KCNIP4: variants seen among roughly 807,000 people sequenced by gnomAD.
KCNIP4 encodes potassium voltage-gated channel interacting protein 4.
In KCNIP4, 12 loss-of-function variants were observed where a neutral mutation model predicts 34.0. The ratio of observed to expected loss-of-function variants is 0.35; its 90% confidence interval spans 0.23 to 0.57. The LOEUF (loss-of-function observed/expected upper bound fraction) is 0.57, where lower values mean the gene tolerates loss of function less well. KCNIP4 is among the 20% of genes least tolerant of loss of function. KCNIP4 has a pLI of 0.83. For synonymous variants in KCNIP4, 124 were observed against 102.2 expected, an observed-to-expected ratio of 1.21 and a Z score of -1.29; for missense variants, 238 against 311.7, an observed-to-expected ratio of 0.76 and a Z score of 1.78.
At chr4:21,485,439 T>G (rs1030096950) in intron 1 of KCNIP4, among the ~76,000 whole-genome samples, 3 of 152,164 alleles carry the variant, frequency 2.0e-5, no homozygotes, top group African/African-American at 7.2e-5. Flanking sequence ...ACAGCATACA[T>G]GTGCCCTATA....
At chr4:21,059,162 T>C (rs1035707809) in intron 1 of KCNIP4, among the ~76,000 whole-genome samples, 2 of 152,122 alleles carry the variant, frequency 1.3e-5, no homozygotes, top group African/African-American at 4.8e-5. Flanking sequence ...TTTGGGTATG[T>C]TATTATTAGC....
chr4:21,683,100 C>T (rs1379791797), intron 1 of KCNIP4, among the ~76,000 whole-genome samples: 1 of 152,146 alleles, frequency 6.6e-6, no homozygotes, highest in Non-Finnish European at 1.5e-5. Flanking sequence ...TACGATGAGG[C>T]ATGCCTGTAT....
intron 1 of KCNIP4, among the ~76,000 whole-genome samples, chr4:21,172,508 G>A (rs1285910133): frequency 6.6e-6 from 1 of 152,276 alleles, no homozygotes; most frequent in African/African-American, 2.4e-5. Context: ...ACATAAACTT[G>A]TGTCTTTATT....
intron 3 of KCNIP4, among the ~76,000 whole-genome samples, chr4:20,845,321 C>T (rs967458924): frequency 3.3e-5 from 5 of 152,122 alleles, no homozygotes; most frequent in Admixed American, 2.6e-4. Context: ...GACATTCTAC[C>T]ATTCTAGCAT....
At position 20,891,195 on chromosome 4, in the gene KCNIP4, A is replaced by G. The variant is rs550923342; in HGVS notation, c.62-8486T>C. Among the ~76,000 whole-genome samples the G allele has an allele frequency of 1.9e-3, 291 of 152,220 alleles. 1 individual carries two copies. Among genetic ancestry groups the G allele is most frequent in the African/African-American group, 6.8e-3 (281 of 41,538 alleles). The stretch of plus-strand genomic sequence containing the variant: ...CAGTCCCGATCAGCTTCTATTTTGT[A>G]CTTTTGAAACACGGACAATGTTTTT... On this transcript the variant is annotated intron_variant, in intron 1 of 8. Coordinates refer to ENST00000382152, the MANE Select transcript of KCNIP4 (RefSeq NM_025221.6).
intron 1 of KCNIP4, among the ~76,000 whole-genome samples, chr4:21,000,852 C>T (rs918049275): frequency 2.0e-5 from 3 of 152,208 alleles, no homozygotes; most frequent in African/African-American, 7.2e-5. Context: ...AGGGATATTG[C>T]ACTTGCAGTT....
At chr4:21,556,930 A>AAAAAAAAAAAAAAACAAAAAAAAAAAAAC (rs1553903108) in intron 1 of KCNIP4, among the ~76,000 whole-genome samples, 1 of 108,194 alleles carries the variant, frequency 9.2e-6, no homozygotes, top group Admixed American at 9.3e-5. Context: ...CAGAAAAAAA[A>AAAAAAAAAAAAAAACAAAAAAAAAAAAAC]AAAAAAAAAA....
chr4:20,956,841 T>A (rs192872335), intron 1 of KCNIP4, among the ~76,000 whole-genome samples: 1 of 152,156 alleles, frequency 6.6e-6, no homozygotes. Flanking sequence ...TAGAACTGAA[T>A]AGAATAATAT....
rs566616541 is a variant in KCNIP4, at chr4:21,680,951, C to G, written c.61+267620G>C. Among the ~76,000 whole-genome samples, 38 of 152,274 alleles carry G rather than the reference C, an allele frequency of 2.5e-4. 2 individuals carry two copies. The South Asian group carries it at 6.4e-3, about 26-fold the overall frequency. On this transcript the variant is annotated intron_variant, in intron 1 of 8. Transcript: ENST00000382152. ...AGAAGCATTTGCTGCAACTTAAAGT[C>G]ATAAGCTGCATTAGTCCCTAAAAAG...
At chr4:20,848,936 T>C (rs1390023949) in intron 3 of KCNIP4, among the ~76,000 whole-genome samples, 1 of 152,156 alleles carries the variant, frequency 6.6e-6, no homozygotes, top group Admixed American at 6.5e-5. Context: ...CCCAGATTGG[T>C]CTTTTACACC....
intron 1 of KCNIP4, among the ~76,000 whole-genome samples, chr4:21,313,156 C>A (rs1432959696): frequency 6.6e-6 from 1 of 152,076 alleles, no homozygotes; most frequent in African/African-American, 2.4e-5. Context: ...ATGTAAGATG[C>A]AAATAATTGA....
At chr4:21,710,906 T>C (rs1490804348) in intron 1 of KCNIP4, among the ~76,000 whole-genome samples, 1 of 152,226 alleles carries the variant, frequency 6.6e-6, no homozygotes, top group Non-Finnish European at 1.5e-5. Context: ...CAGGATGTTT[T>C]CAGTTGTACT....
intron 3 of KCNIP4, among the ~76,000 whole-genome samples, chr4:20,818,249 C>A (rs1186275138): frequency 6.6e-6 from 1 of 152,138 alleles, no homozygotes; most frequent in Non-Finnish European, 1.5e-5. Context: ...AGGGGAGCCC[C>A]CTGCCAAAGA....
intron 1 of KCNIP4, among the ~76,000 whole-genome samples, chr4:21,069,908 GT>G (rs1282399727): frequency 6.6e-6 from 1 of 151,494 alleles, no homozygotes; most frequent in African/African-American, 2.4e-5. Flanking sequence ...GTGTAGATTT[GT>G]GTAATCACCA....
chr4:21,889,333 C>T (rs1272422665), intron 1 of KCNIP4, among the ~76,000 whole-genome samples: 1 of 151,760 alleles, frequency 6.6e-6, no homozygotes, highest in African/African-American at 2.4e-5. Context: ...GTCCCATCCC[C>T]AAGATATCTC....
At chr4:21,303,779 T>G in intron 1 of KCNIP4, 1 of 1,571,576 alleles carries the variant, frequency 6.4e-7, no homozygotes, top group Non-Finnish European at 8.8e-7. Flanking sequence ...AGAGAATTTT[T>G]AGAAGTCACT....
chr4:20,942,565 T>C (rs1247063618), intron 1 of KCNIP4, among the ~76,000 whole-genome samples: 5 of 152,224 alleles, frequency 3.3e-5, no homozygotes, highest in Admixed American at 6.5e-5. Context: ...TTATCCACAG[T>C]GCTCAGATAA....
At chr4:21,805,605 C>T (rs1266764986) in intron 1 of KCNIP4, among the ~76,000 whole-genome samples, 1 of 152,144 alleles carries the variant, frequency 6.6e-6, no homozygotes, top group Non-Finnish European at 1.5e-5. Flanking sequence ...GTATGTCCAC[C>T]TAACAGGAAC....
intron 1 of KCNIP4, among the ~76,000 whole-genome samples, chr4:21,637,783 C>CAAAA (rs3050028): frequency 9.1e-6 from 1 of 109,450 alleles, no homozygotes; most frequent in Non-Finnish European, 1.8e-5. Flanking sequence ...AAGTCCGTCT[C>CAAAA]AAAAAAAAAA....
Sources: allele counts gnomAD v4.1 joint callset (sites outside exome capture counted in the v4.1 genomes callset), GRCh38; gene constraint gnomAD v4.1.1; transcripts MANE v1.5; gene names NCBI Gene and HGNC (gene_info 2026-07-23, HGNC 2026-07-21).